The following SH3GL2 variants were observed in gnomAD, a reference collection of about 807,000 sequenced individuals.
The protein encoded by SH3GL2 is endophilin-A1.
In SH3GL2, 24 loss-of-function variants were observed where a neutral mutation model predicts 46.0. The observed-to-expected ratio is 0.52, with a 90% CI of 0.38 to 0.73. SH3GL2 has a LOEUF of 0.73. Among genes scored for constraint, SH3GL2 ranks in the 30% least tolerant of loss-of-function variants. SH3GL2 has a pLI of 0.00. For missense variants in SH3GL2, 413 were observed against 424.2 expected (o/e 0.97, Z 0.23); for synonymous variants, 196 against 147.1 (o/e 1.33, Z -2.40).
intron 1 of SH3GL2, among the ~76,000 whole-genome samples, chr9:17,734,909 CTA>C (rs1822285598): frequency 6.6e-6 from 1 of 152,024 alleles, no homozygotes. Context: ...TGTAAATACA[CTA>C]AAAATCACTG....
rs764960735 is a variant in SH3GL2 at position 17,791,290 on chromosome 9, G to C, written c.684G>C (p.Gln228His). Reference protein sequence around the residue: ...LVQAQLEYHKQAVQILQQVTV... With the variant: ...LVQAQLEYHKHAVQILQQVTV... The stretch of plus-strand genomic sequence containing the variant: ...AAGCTCAGCTGGAGTACCACAAGCA[G>C]GCAGTCCAGATCCTGCAGCAAGTCA... Residue 228 changes from glutamine to histidine, a missense_variant, in exon 7 of 9, where the codon CAG becomes CAC. By Grantham distance (24) the Gln-to-His change is conservative. Around this residue, in one of 3 missense-constraint regions of SH3GL2, gnomAD observed 248 missense variants for 215.0 expected, o/e 1.15. Transcript: ENST00000380607. 45 of 1,613,602 alleles carry C rather than the reference G, an allele frequency of 2.8e-5. No individual in the cohort carries two copies. The highest frequency in any genetic ancestry group is 3.8e-5 in the Non-Finnish European group (45 of 1,179,686).
chr9:17,777,445 G>A (rs1823671912), intron 3 of SH3GL2, among the ~76,000 whole-genome samples: 1 of 152,126 alleles, frequency 6.6e-6, no homozygotes, highest in South Asian at 2.1e-4. Context: ...TGGGTTGAGT[G>A]ATATCCCTCC....
At chr9:17,676,922 G>T (rs763883624) in intron 1 of SH3GL2, among the ~76,000 whole-genome samples, 20 of 151,992 alleles carry the variant, frequency 1.3e-4, no homozygotes, top group Non-Finnish European at 2.5e-4. Context: ...TTATTGGGGT[G>T]TCTGCTCTAT....
chr9:17,678,814 TG>T (rs1365792984), intron 1 of SH3GL2, among the ~76,000 whole-genome samples: 1 of 152,144 alleles, frequency 6.6e-6, no homozygotes, highest in Non-Finnish European at 1.5e-5. Flanking sequence ...TTGTATAAGG[TG>T]TAAGGAAGGG....
chr9:17,654,471 C>G lies in SH3GL2; in HGVS notation c.45+75184C>G, dbSNP rs146774245. On this transcript the variant is annotated intron_variant, in intron 1 of 8. Transcript: ENST00000380607. ...ATATGAATCCTGCCTGTTGGCTAGA[C>G]CATTGAGAGTTTTGATTTATTTATA... Among the ~76,000 whole-genome samples, 327 of 152,190 alleles carry G rather than the reference C, an allele frequency of 2.1e-3. 1 individual carries two copies. Among genetic ancestry groups the G allele is most frequent in the African/African-American group, 7.5e-3 (313 of 41,518 alleles).
In SH3GL2 at chr9:17,718,312, G is replaced by C. The variant is rs16935925; in HGVS notation, c.46-28754G>C. Among the ~76,000 whole-genome samples, 6 of 152,126 alleles carry C rather than the reference G, an allele frequency of 3.9e-5. No homozygotes were observed. In the East Asian group the frequency reaches 1.2e-3, roughly 29 times the overall value. On this transcript the variant is annotated intron_variant, in intron 1 of 8. Coordinates refer to ENST00000380607, the MANE Select transcript of SH3GL2 (RefSeq NM_003026.5). ...TCAAGCATTTCATTACATTGCCAAC[G>C]ATATGAAAAACAAAATTAAGAACTG...
intron 1 of SH3GL2, among the ~76,000 whole-genome samples, chr9:17,659,885 T>A (rs1164341691): frequency 6.6e-6 from 1 of 152,202 alleles, no homozygotes; most frequent in Non-Finnish European, 1.5e-5. Flanking sequence ...TTCATAAAAC[T>A]GGGTTCTTGA....
At position 17,579,155 on chromosome 9, in the gene SH3GL2, C is replaced by T. The variant is rs1314143480; in HGVS notation, c.-88C>T. 46 of 947,778 alleles carry T rather than the reference C, an allele frequency of 4.9e-5. No individual in the cohort carries two copies. In the East Asian group the frequency reaches 8.4e-4, roughly 17 times the overall value. 58.7% of individuals were successfully genotyped at this position (947,778 alleles called of 1,614,324 possible). ...CGGCGGCGGCACGACCAGAGGCGGC[C>T]AGGGGAGCGCGCCGCCCCGCTCGGC... is the stretch of plus-strand genomic sequence containing the variant. On this transcript the variant is annotated 5_prime_UTR_variant, in exon 1 of 9. Transcript: ENST00000380607.
At chr9:17,704,233 A>C (rs1258452910) in intron 1 of SH3GL2, among the ~76,000 whole-genome samples, 1 of 152,102 alleles carries the variant, frequency 6.6e-6, no homozygotes, top group Non-Finnish European at 1.5e-5. Context: ...ACAGCTAACC[A>C]GGGAGGTGAA....
At chr9:17,763,691 A>T (rs1216311290) in intron 3 of SH3GL2, among the ~76,000 whole-genome samples, 1 of 152,170 alleles carries the variant, frequency 6.6e-6, no homozygotes, top group African/African-American at 2.4e-5. Flanking sequence ...GTCATTTGAA[A>T]TGACAGCTCT....
At chr9:17,743,711 A>G (rs757003704) in intron 1 of SH3GL2, among the ~76,000 whole-genome samples, 2 of 152,204 alleles carry the variant, frequency 1.3e-5, no homozygotes, top group Admixed American at 6.5e-5. Context: ...TGATAGAGTG[A>G]TGCAGCTACT....
intron 5 of SH3GL2, among the ~76,000 whole-genome samples, chr9:17,788,099 C>T (rs1824013965): frequency 6.6e-6 from 1 of 152,066 alleles, no homozygotes; most frequent in Non-Finnish European, 1.5e-5. Context: ...AATGTTTGCT[C>T]ACTTTTTTTT....
At chr9:17,697,337 C>T (rs957223455) in intron 1 of SH3GL2, among the ~76,000 whole-genome samples, 1 of 151,962 alleles carries the variant, frequency 6.6e-6, no homozygotes. Flanking sequence ...GATTCTTCTG[C>T]CTCAGCCACC....
intron 1 of SH3GL2, among the ~76,000 whole-genome samples, chr9:17,635,557 CAG>C (rs1188730703): frequency 2.0e-5 from 3 of 152,154 alleles, no homozygotes; most frequent in Non-Finnish European, 2.9e-5. Flanking sequence ...CAATTTAATT[CAG>C]AGTTAAGTGC....
chr9:17,753,623 T>C (rs1173094532), intron 2 of SH3GL2, among the ~76,000 whole-genome samples: 7 of 152,220 alleles, frequency 4.6e-5, no homozygotes, highest in African/African-American at 1.7e-4. Flanking sequence ...ATTCTATAGC[T>C]TGTCTTTTTA....
intron 1 of SH3GL2, among the ~76,000 whole-genome samples, chr9:17,623,286 T>A (rs1819200914): frequency 6.6e-6 from 1 of 152,020 alleles, no homozygotes; most frequent in Admixed American, 6.5e-5. Context: ...AGATGTGTCC[T>A]GTCCATAGGA....
At chr9:17,663,531 TATC>T (rs1346050378) in intron 1 of SH3GL2, among the ~76,000 whole-genome samples, 1 of 152,210 alleles carries the variant, frequency 6.6e-6, no homozygotes, top group Non-Finnish European at 1.5e-5. Flanking sequence ...GGGAATTTAT[TATC>T]ATATCAAAAA....
Position 17,579,236 on chromosome 9 carries a change from C to G in SH3GL2, c.-7C>G, listed in dbSNP as rs1419337928. The G allele has an allele frequency of 2.6e-6, 4 of 1,558,152 alleles. No individual in the cohort carries two copies. Among genetic ancestry groups the G allele is most frequent in the Non-Finnish European group, 3.5e-6 (4 of 1,153,798 alleles). ...GCACAGCAGCCGCCAGCGCGGCCTC[C>G]TGCACCATGTCGGTGGCCGGCCTCA... On this transcript the variant is annotated 5_prime_UTR_variant, in exon 1 of 9. Transcript: ENST00000380607.
chr9:17,629,933 G>T (rs1189511565), intron 1 of SH3GL2, among the ~76,000 whole-genome samples: 1 of 152,108 alleles, frequency 6.6e-6, no homozygotes, highest in Non-Finnish European at 1.5e-5. Context: ...GTGGTTCCCA[G>T]GCCACCTGTA....
Sources: gnomAD v4.1 joint callset for allele counts (sites outside exome capture counted in the v4.1 genomes callset) on GRCh38, gnomAD v4.1.1 for gene constraint, gnomAD v4.1.1 regional missense constraint, MANE v1.5 for transcripts, NCBI Gene and HGNC (gene_info 2026-07-23, HGNC 2026-07-21) for gene names.